Variants in KLHL32 observed in about 807,000 individuals in gnomAD.
KLHL32 encodes the protein kelch-like protein 32.
In KLHL32, 35 loss-of-function variants were observed where a neutral mutation model predicts 64.8. The ratio of observed to expected loss-of-function variants is 0.54; its 90% confidence interval spans 0.41 to 0.72. The LOEUF (loss-of-function observed/expected upper bound fraction) is 0.72, where lower values mean the gene tolerates loss of function less well. Ranked by LOEUF, KLHL32 falls within the 30% of genes least tolerant of loss-of-function variation. KLHL32 has a pLI of 0.00. For missense variants in KLHL32, 589 were observed against 768.5 expected, an observed-to-expected ratio of 0.77 and a Z score of 2.76; for synonymous variants, 259 against 281.0, an observed-to-expected ratio of 0.92 and a Z score of 0.78.
chr6:97,030,345 G>A (rs906108421), intron 3 of KLHL32, among the ~76,000 whole-genome samples: 2 of 152,288 alleles, frequency 1.3e-5, no homozygotes, highest in South Asian at 2.1e-4. Flanking sequence ...TCAAGAAAAC[G>A]TCACATACTG....
Position 97,118,913 on chromosome 6 carries a change from G to C in KLHL32, c.1354+4404G>C, listed in dbSNP as rs574549280. ...AAGGTACAAAAGTAGTGCAAAGCAG[G>C]GAGTGACTATTGCAGAAGGCAGGAA... On this transcript the variant is annotated intron_variant, in intron 7 of 10. Transcript: ENST00000369261. Among the ~76,000 whole-genome samples the C allele has an allele frequency of 2.0e-5, 3 of 152,224 alleles. No homozygotes were observed. In the South Asian group the frequency reaches 6.2e-4, roughly 32 times the overall value.
At chr6:96,951,168 C>T (rs1162277109) in intron 1 of KLHL32, among the ~76,000 whole-genome samples, 2 of 151,902 alleles carry the variant, frequency 1.3e-5, no homozygotes, top group Non-Finnish European at 2.9e-5. Context: ...CACATGGTCT[C>T]GGTTTGATGA....
At chr6:96,950,529 T>C (rs1336785573) in intron 1 of KLHL32, among the ~76,000 whole-genome samples, 9 of 152,138 alleles carry the variant, frequency 5.9e-5, no homozygotes, top group Non-Finnish European at 1.0e-4. Context: ...CACTTTGCTT[T>C]ACAAAATCAT....
chr6:97,059,544 C>T (rs567824824), intron 4 of KLHL32, among the ~76,000 whole-genome samples: 14 of 152,262 alleles, frequency 9.2e-5, no homozygotes, highest in Non-Finnish European at 1.5e-4. Flanking sequence ...ATTATCCTTA[C>T]CTGAACTATG....
At chr6:97,082,003 C>G (rs905747812) in intron 5 of KLHL32, among the ~76,000 whole-genome samples, 1 of 152,080 alleles carries the variant, frequency 6.6e-6, no homozygotes, top group Non-Finnish European at 1.5e-5. Context: ...GGACTTTTTC[C>G]CCAAAGCAAA....
At position 96,935,683 on chromosome 6, in the gene KLHL32, C is replaced by A. The variant is rs561633235; in HGVS notation, c.-66+10657C>A. Among the ~76,000 whole-genome samples the A allele has an allele frequency of 5.9e-5, 9 of 152,276 alleles. No individual in the cohort carries two copies. The South Asian group carries it at 1.9e-3, about 32-fold the overall frequency. ...CAGCTGCTGAGTCTAATGTGTATTT[C>A]TAACTTGTGTATTAATGATAATGAC... On this transcript the variant is annotated intron_variant, in intron 1 of 10. Transcript: ENST00000369261.
chr6:96,927,076 T>G (rs1769255493), intron 1 of KLHL32, among the ~76,000 whole-genome samples: 1 of 152,204 alleles, frequency 6.6e-6, no homozygotes, highest in Non-Finnish European at 1.5e-5. Context: ...GTTCAAAAAT[T>G]TTTTGAGGTT....
intron 1 of KLHL32, among the ~76,000 whole-genome samples, chr6:96,941,581 C>A (rs1431535545): frequency 2.6e-5 from 4 of 151,820 alleles, no homozygotes; most frequent in Non-Finnish European, 5.9e-5. Flanking sequence ...ATGTGATGAC[C>A]AAAAAACAAT....
At chr6:96,924,271 G>T (rs9487556), upstream of KLHL32, among the ~76,000 whole-genome samples, 1,333 of 152,298 alleles carry the variant, frequency 8.8e-3, 26 homozygotes, top group African/African-American at 0.03. Flanking sequence ...TGTTTGCTCA[G>T]ATTGCCCGCC....
At chr6:97,002,978 A>G (rs1779225736) in intron 3 of KLHL32, among the ~76,000 whole-genome samples, 1 of 152,162 alleles carries the variant, frequency 6.6e-6, no homozygotes, top group African/African-American at 2.4e-5. Flanking sequence ...TCTTTATGGT[A>G]GAAAATATAT....
At chr6:96,927,770 A>G (rs909131797) in intron 1 of KLHL32, among the ~76,000 whole-genome samples, 1 of 152,224 alleles carries the variant, frequency 6.6e-6, no homozygotes, top group African/African-American at 2.4e-5. Flanking sequence ...GGAGCTATGC[A>G]GGTGTGTGTT....
chr6:96,991,055 A>C (rs1382937392), intron 3 of KLHL32, among the ~76,000 whole-genome samples: 1 of 151,958 alleles, frequency 6.6e-6, no homozygotes, highest in Non-Finnish European at 1.5e-5. Flanking sequence ...GGTGAAGCGC[A>C]GGGGGTCAAG....
intron 5 of KLHL32, 56 bp from the exon 6 acceptor site, chr6:97,085,070 C>G (rs1582973351): frequency 1.3e-6 from 2 of 1,507,526 alleles, no homozygotes; most frequent in East Asian, 4.5e-5. Context: ...CTTGCCTGCT[C>G]TTTCTCGGAT....
intron 1 of KLHL32, among the ~76,000 whole-genome samples, chr6:96,940,117 G>C (rs1401827176): frequency 6.6e-6 from 1 of 152,096 alleles, no homozygotes; most frequent in Non-Finnish European, 1.5e-5. Flanking sequence ...CCATTTATAT[G>C]GGTTATAGTA....
intron 3 of KLHL32, among the ~76,000 whole-genome samples, chr6:96,983,383 T>C (rs1371478090): frequency 6.6e-6 from 1 of 152,298 alleles, no homozygotes; most frequent in Non-Finnish European, 1.5e-5. Flanking sequence ...ATCAGGATGA[T>C]GCTGGCCTCA....
At chr6:97,033,396 A>G (rs1317409615) in intron 3 of KLHL32, among the ~76,000 whole-genome samples, 1 of 152,072 alleles carries the variant, frequency 6.6e-6, no homozygotes, top group Admixed American at 6.6e-5. Flanking sequence ...ATGTGTGTGT[A>G]TGTCTCACAT....
At chr6:96,959,330 C>G (rs1206867725) in intron 1 of KLHL32, among the ~76,000 whole-genome samples, 1 of 152,120 alleles carries the variant, frequency 6.6e-6, no homozygotes, top group African/African-American at 2.4e-5. Flanking sequence ...AAGAGACTGG[C>G]AAAGGGCTGC....
chr6:96,932,113 G>C (rs1252338552), intron 1 of KLHL32, among the ~76,000 whole-genome samples: 1 of 151,876 alleles, frequency 6.6e-6, no homozygotes. Flanking sequence ...ATAGGCAGTG[G>C]TGTAGATGTA....
At chr6:96,924,361 A>G (rs919626842), upstream of KLHL32, among the ~76,000 whole-genome samples, 1 of 151,352 alleles carries the variant, frequency 6.6e-6, no homozygotes, top group Non-Finnish European at 1.5e-5. Context: ...CAGACTGCGC[A>G]TGTGACCCAG....
Sources: allele counts gnomAD v4.1 joint callset (sites outside exome capture counted in the v4.1 genomes callset), GRCh38; gene constraint gnomAD v4.1.1; transcripts MANE v1.5; gene names NCBI Gene and HGNC (gene_info 2026-07-23, HGNC 2026-07-21).